Variants in CRACD observed in about 807,000 individuals in gnomAD.
CRACD encodes the protein capping protein-inhibiting regulator of actin dynamics.
A neutral mutation model predicts 106.8 loss-of-function variants in CRACD; 56 were observed. The ratio of observed to expected loss-of-function variants is 0.52; its 90% CI spans 0.42 to 0.66. CRACD has a LOEUF of 0.66. Among genes scored for constraint, CRACD ranks in the 30% least tolerant of loss-of-function variants. The pLI, the probability that CRACD is intolerant of heterozygous loss-of-function variation, is 0.00. For synonymous variants in CRACD, 754 were observed against 670.8 expected (o/e 1.12, Z -1.92); for missense variants, 1,730 against 1,623.2 (o/e 1.07, Z -1.13).
chr4:56,261,912 A>G (rs942841445), intron 2 of CRACD, among the ~76,000 whole-genome samples: 1 of 152,172 alleles, frequency 6.6e-6, no homozygotes, highest in African/African-American at 2.4e-5. Context: ...ATAAAGCCAT[A>G]TATGCATTGC....
At chr4:56,313,126 C>T in intron 6 of CRACD, 71 bp from the exon 7 acceptor site, 2 of 1,386,856 alleles carry the variant, frequency 1.4e-6, no homozygotes, top group Non-Finnish European at 2.0e-6. Context: ...GGAACGAGTG[C>T]CACCGTTCTG....
intron 3 of CRACD, among the ~76,000 whole-genome samples, chr4:56,276,868 T>A (rs1044536031): frequency 3.3e-5 from 5 of 152,220 alleles, no homozygotes; most frequent in African/African-American, 1.2e-4. Flanking sequence ...CCAGTGTTTG[T>A]TACATCATGC....
intron 2 of CRACD, among the ~76,000 whole-genome samples, 190 bp downstream of exon 2, chr4:56,179,620 A>G (rs539503827): frequency 6.6e-6 from 1 of 152,312 alleles, no homozygotes; most frequent in Non-Finnish European, 1.5e-5. Context: ...AGCTGAGTCA[A>G]CTTGGACAAG....
chr4:56,109,807 G>A (rs1037219995), intron 1 of CRACD, among the ~76,000 whole-genome samples: 1 of 151,596 alleles, frequency 6.6e-6, no homozygotes, highest in Non-Finnish European at 1.5e-5. Flanking sequence ...AAAAAGACAC[G>A]AGATGGAAAA....
intron 1 of CRACD, among the ~76,000 whole-genome samples, chr4:56,152,295 G>C (rs1735609975): frequency 1.3e-5 from 2 of 151,776 alleles, no homozygotes; most frequent in Non-Finnish European, 2.9e-5. Flanking sequence ...GGGATTACAG[G>C]CCTGAGCCAC....
At chr4:56,264,284 AT>A (rs1226021482) in intron 2 of CRACD, among the ~76,000 whole-genome samples, 7 of 152,096 alleles carry the variant, frequency 4.6e-5, no homozygotes, top group African/African-American at 1.7e-4. Flanking sequence ...GAGCTAAATC[AT>A]ATCACTCCCC....
chr4:56,281,358 A>T (rs1483085092), intron 3 of CRACD, among the ~76,000 whole-genome samples: 20 of 152,154 alleles, frequency 1.3e-4, no homozygotes, highest in Admixed American at 1.3e-3. Context: ...AGCCCCGTCC[A>T]TGAAAAAATT....
intron 2 of CRACD, among the ~76,000 whole-genome samples, chr4:56,271,807 G>A (rs1742363209): frequency 6.6e-6 from 1 of 152,096 alleles, no homozygotes; most frequent in African/African-American, 2.4e-5. Flanking sequence ...GTGCGGTGGT[G>A]TGATCACAGC....
chr4:56,135,615 G>A (rs1254811442), intron 1 of CRACD, among the ~76,000 whole-genome samples: 1 of 152,186 alleles, frequency 6.6e-6, no homozygotes, highest in East Asian at 1.9e-4. Context: ...ATGGATGCAT[G>A]CCAGACTACA....
intron 7 of CRACD, 60 bp downstream of exon 7, chr4:56,313,439 T>C (rs1745290061): frequency 6.7e-7 from 1 of 1,485,328 alleles, no homozygotes; most frequent in African/African-American, 1.4e-5. Context: ...GCACTAATTC[T>C]ACAAGTGGGT....
rs192265508 is a variant in CRACD at position 56,073,194 on chromosome 4, A to G, written c.-336+23895A>G. ...AGGAATCACCACACTGTCTTCCACAATGATTGAACTAGTTTACACTCCCAC... is the reference window on the plus strand; with the variant it reads ...AGGAATCACCACACTGTCTTCCACAGTGATTGAACTAGTTTACACTCCCAC... On this transcript the variant is annotated intron_variant, in intron 1 of 10. Transcript: ENST00000682029. Among the ~76,000 whole-genome samples the G allele has an allele frequency of 6.8e-4, 104 of 152,324 alleles. No homozygotes were observed. In the East Asian group the frequency reaches 0.012, roughly 18 times the overall value.
chr4:56,223,798 G>T (rs531064603), intron 2 of CRACD, among the ~76,000 whole-genome samples: 5 of 152,206 alleles, frequency 3.3e-5, no homozygotes, highest in Admixed American at 3.3e-4. Context: ...CTCACTCTGT[G>T]CCCAGGCTGA....
At chr4:56,149,498 G>A (rs1200313857) in intron 1 of CRACD, among the ~76,000 whole-genome samples, 1 of 152,156 alleles carries the variant, frequency 6.6e-6, no homozygotes, top group African/African-American at 2.4e-5. Flanking sequence ...TATTCTACAT[G>A]TGCTTATCTG....
rs373911942 is a variant in CRACD, at chr4:56,052,047, T to C, written c.-336+2748T>C. ...TATTTTAATGTAAAGCAATGGCTTT[T>C]AAACTTTTTAATTTTTTATTTTATT... On this transcript the variant is annotated intron_variant, in intron 1 of 10. Coordinates refer to ENST00000682029, the MANE Select transcript of CRACD (RefSeq NM_001393381.1). 3.3e-5 allele frequency among the ~76,000 whole-genome samples: 5 copies of C among 152,316 alleles called. No individual in the cohort carries two copies. In the South Asian group the frequency reaches 8.3e-4, roughly 25 times the overall value.
At chr4:56,174,202 A>T (rs947191672) in intron 1 of CRACD, among the ~76,000 whole-genome samples, 31 of 152,218 alleles carry the variant, frequency 2.0e-4, no homozygotes, top group African/African-American at 7.5e-4. Flanking sequence ...TTTATGGGGT[A>T]CATGGGATAT....
intron 1 of CRACD, among the ~76,000 whole-genome samples, chr4:56,061,935 C>T (rs1299830488): frequency 6.6e-6 from 1 of 152,186 alleles, no homozygotes; most frequent in Non-Finnish European, 1.5e-5. Flanking sequence ...TGATTAGTTC[C>T]ACCAACGTGG....
At chr4:56,286,908 G>A (rs1216509060) in intron 3 of CRACD, among the ~76,000 whole-genome samples, 1 of 152,160 alleles carries the variant, frequency 6.6e-6, no homozygotes, top group Non-Finnish European at 1.5e-5. Context: ...GTTACAGTGT[G>A]TGAGCCCTAA....
At chr4:56,259,516 A>G (rs926143611) in intron 2 of CRACD, among the ~76,000 whole-genome samples, 1 of 152,136 alleles carries the variant, frequency 6.6e-6, no homozygotes, top group Non-Finnish European at 1.5e-5. Flanking sequence ...GGAAAGGAGG[A>G]AAAAGAAAAG....
chr4:56,175,132 T>C (rs1736530122), intron 1 of CRACD, among the ~76,000 whole-genome samples: 1 of 152,166 alleles, frequency 6.6e-6, no homozygotes, highest in Non-Finnish European at 1.5e-5. Flanking sequence ...AGCCAAACCA[T>C]AACATACAGA....
Sources: allele counts gnomAD v4.1 joint callset (sites outside exome capture counted in the v4.1 genomes callset), GRCh38; gene constraint gnomAD v4.1.1; transcripts MANE v1.5; gene names NCBI Gene and HGNC (gene_info 2026-07-23, HGNC 2026-07-21).